Variants in ONECUT2 observed in about 807,000 individuals in gnomAD.
ONECUT2 encodes one cut homeobox 2.
A neutral mutation model predicts 27.9 loss-of-function variants in ONECUT2; 10 were observed. That is an observed-to-expected ratio of 0.36 (90% CI 0.22 to 0.61). The LOEUF is 0.61. Ranked by LOEUF, ONECUT2 falls within the 20% of genes least tolerant of loss-of-function variation. The pLI is 0.73. For synonymous variants in ONECUT2, 334 were observed against 315.1 expected, an observed-to-expected ratio of 1.06 and a Z score of -0.64; for missense variants, 686 against 721.0, an observed-to-expected ratio of 0.95 and a Z score of 0.56.
intron 1 of ONECUT2, among the ~76,000 whole-genome samples, chr18:57,456,570 G>A (rs2050260663): frequency 6.6e-6 from 1 of 152,174 alleles, no homozygotes; most frequent in Non-Finnish European, 1.5e-5. Context: ...AAGTACAATG[G>A]TGCTTGCCAG....
intron 1 of ONECUT2, among the ~76,000 whole-genome samples, chr18:57,471,033 C>G (rs1238689548): frequency 6.6e-6 from 1 of 152,222 alleles, no homozygotes; most frequent in South Asian, 2.1e-4. Flanking sequence ...TGGCAAGGTC[C>G]CTCCCCAAGC....
In ONECUT2 at chr18:57,486,774, T is replaced by C. The variant is rs1225992638; in HGVS notation, c.*10051T>C. ...TGAGCCCAAAGTTTACAGTTTCATA[T>C]TTTGCTGAAGAAACAATCTGTGTTC... is the stretch of plus-strand genomic sequence containing the variant. On this transcript the variant is annotated 3_prime_UTR_variant, in exon 2 of 2. Transcript: ENST00000491143. The C allele has an allele frequency of 6.6e-6, 1 of 152,616 alleles. No individual in the cohort carries two copies. The highest frequency in any genetic ancestry group is 1.5e-5 in the Non-Finnish European group (1 of 68,026). 9.5% of individuals were successfully genotyped at this position (152,616 alleles called of 1,614,324 possible). A position where few individuals can be genotyped will look rare whatever the true frequency, so the allele number is the denominator to read the frequency against.
chr18:57,448,475 G>A (rs1306039156), intron 1 of ONECUT2, among the ~76,000 whole-genome samples: 1 of 152,142 alleles, frequency 6.6e-6, no homozygotes, highest in Non-Finnish European at 1.5e-5. Flanking sequence ...CCAAAATTTT[G>A]TTCTAAAAAT....
At chr18:57,467,957 G>A (rs566153225) in intron 1 of ONECUT2, among the ~76,000 whole-genome samples, 61 of 152,154 alleles carry the variant, frequency 4.0e-4, no homozygotes, top group South Asian at 2.9e-3. Context: ...CCATTCTCCC[G>A]CCCACAATAT....
intron 1 of ONECUT2, among the ~76,000 whole-genome samples, chr18:57,455,707 C>A (rs141038285): frequency 4.3e-4 from 65 of 152,206 alleles, no homozygotes; most frequent in African/African-American, 1.5e-3. Flanking sequence ...CTTGTCCTGC[C>A]CTTTGGATGC....
chr18:57,464,399 C>T (rs1485503431), intron 1 of ONECUT2, among the ~76,000 whole-genome samples: 1 of 151,946 alleles, frequency 6.6e-6, no homozygotes, highest in African/African-American at 2.4e-5. Flanking sequence ...GCTTACACCC[C>T]TCATCTGAAA....
At chr18:57,467,237 G>A (rs983127273) in intron 1 of ONECUT2, 3 of 455,830 alleles carry the variant, frequency 6.6e-6, no homozygotes, top group Admixed American at 4.7e-5. Context: ...GGACACTGGG[G>A]AGTTGCTCTA....
chr18:57,451,245 C>G (rs1188586734), intron 1 of ONECUT2, among the ~76,000 whole-genome samples: 1 of 152,206 alleles, frequency 6.6e-6, no homozygotes, highest in Non-Finnish European at 1.5e-5. Context: ...TAAATGAAAG[C>G]ATTCCAGATT....
intron 1 of ONECUT2, among the ~76,000 whole-genome samples, chr18:57,472,456 T>C (rs2050359183): frequency 6.6e-6 from 1 of 152,172 alleles, no homozygotes; most frequent in Admixed American, 6.5e-5. Flanking sequence ...TTTGTCAAAA[T>C]CAACAGCTGG....
In ONECUT2 at chr18:57,438,316, G is replaced by T. The variant is rs188134082; in HGVS notation, c.1228+1372G>T. 3.0e-4 allele frequency among the ~76,000 whole-genome samples: 46 copies of T among 152,356 alleles called. 1 individual carries two copies. The highest frequency in any genetic ancestry group is 2.4e-3 in the Admixed American group (37 of 15,308). ...CGACTTCCCATGGATCGGGTGGAGG[G>T]GGGTATCTTTCAGGATCGGCGGGCG... On this transcript the variant is annotated intron_variant, in intron 1 of 1. Coordinates refer to ENST00000491143, the MANE Select transcript of ONECUT2 (RefSeq NM_004852.3).
In ONECUT2 at chr18:57,436,759, G is replaced by T. The variant is rs778178849; in HGVS notation, c.1043G>T (p.Arg348Leu). The stretch of plus-strand genomic sequence containing the variant: ...CAGCGCATCACAGCGGAGCTGAAGC[G>T]CTACAGTATCCCCCAGGCGATCTTT... Reference protein sequence around the residue: ...VAQRITAELKRYSIPQAIFAQ... With the variant: ...VAQRITAELKLYSIPQAIFAQ... Residue 348 changes from arginine (R) to leucine (L), a missense_variant, in exon 1 of 2, where the codon CGC (arginine) becomes CTC (leucine). Transcript: ENST00000491143. This position sits in a 1 kb window ranked among gnomAD's most constrained non-coding sequence, Gnocchi z 5.9. The T allele has an allele frequency of 5.6e-6, 9 of 1,614,026 alleles. No individual in the cohort carries two copies. Among genetic ancestry groups the T allele is most frequent in the South Asian group, 5.5e-5 (5 of 91,092 alleles).
chr18:57,484,057 C>T lies in ONECUT2; in HGVS notation c.*7334C>T, dbSNP rs1355834026. On this transcript the variant is annotated 3_prime_UTR_variant, in exon 2 of 2. Coordinates refer to ENST00000491143, the MANE Select transcript of ONECUT2 (RefSeq NM_004852.3). ...GACCCTGCTTCACCAGCCTGGATTT[C>T]GGGGCTTCTATACAGAAACTGGAAA... 4 of 152,380 alleles carry T rather than the reference C, an allele frequency of 2.6e-5. No homozygotes were observed. Among genetic ancestry groups the T allele is most frequent in the South Asian group, 2.1e-4 (1 of 4,830 alleles). The allele number at this position is 152,380 out of a possible 1,614,324, so 9.4% of individuals were successfully genotyped here. A position where few individuals can be genotyped will look rare whatever the true frequency, so the allele number is the denominator to read the frequency against.
chr18:57,439,077 G>A (rs953658051), intron 1 of ONECUT2, among the ~76,000 whole-genome samples: 1 of 152,194 alleles, frequency 6.6e-6, no homozygotes, highest in Non-Finnish European at 1.5e-5. Flanking sequence ...CATGCCGGTC[G>A]CGCAAAGAAC....
In ONECUT2 at chr18:57,487,387, A is replaced by G. The variant is rs2050443600; in HGVS notation, c.*10664A>G. ...AAGGAGTTATTTTGGCTTTATGCTC[A>G]TGAACTTAGACCTAACTGGCCATGT... On this transcript the variant is annotated 3_prime_UTR_variant, in exon 2 of 2. Transcript: ENST00000491143. 1 of 152,180 alleles carries G rather than the reference A, an allele frequency of 6.6e-6. No homozygotes were observed. The highest frequency in any genetic ancestry group is 1.5e-5 in the Non-Finnish European group (1 of 68,038). The allele number at this position is 152,180 out of a possible 1,614,324, so 9.4% of individuals were successfully genotyped here.
At chr18:57,458,491 CCAAA>C (rs1283812494) in intron 1 of ONECUT2, among the ~76,000 whole-genome samples, 1 of 152,206 alleles carries the variant, frequency 6.6e-6, no homozygotes, top group Admixed American at 6.5e-5. Context: ...ATGCATCATT[CCAAA>C]GCTCCTTCTT....
rs998176982 is a variant in ONECUT2, at chr18:57,490,466, G to A, written c.*13743G>A. 6.6e-6 allele frequency: 1 copy of A among 152,102 alleles called. No homozygotes were observed. Among genetic ancestry groups the A allele is most frequent in the Non-Finnish European group, 1.5e-5 (1 of 68,030 alleles). 9.4% of individuals were successfully genotyped at this position (152,102 alleles called of 1,614,324 possible). A position where few individuals can be genotyped will look rare whatever the true frequency, so the allele number is the denominator to read the frequency against. Reference sequence around the variant, plus strand: ...GGTATTGAAAGGTGACTATAATGAGGGAAGAAAGGAGGAGGTAAAGAGAGA... The same window carrying A: ...GGTATTGAAAGGTGACTATAATGAGAGAAGAAAGGAGGAGGTAAAGAGAGA... On this transcript the variant is annotated 3_prime_UTR_variant, in exon 2 of 2. Coordinates refer to ENST00000491143, the MANE Select transcript of ONECUT2 (RefSeq NM_004852.3).
chr18:57,435,577 G>A lies in ONECUT2; in HGVS notation c.-140G>A. On this transcript the variant is annotated 5_prime_UTR_variant, in exon 1 of 2. Transcript: ENST00000491143. ...CCGGGCGAGCCCGCCCGCAGCCCGG[G>A]GCGCACACCCGCACGCGCACTCCTC... 1 of 505,024 alleles carries A rather than the reference G, an allele frequency of 2.0e-6. No homozygotes were observed. The highest frequency in any genetic ancestry group is 2.5e-6 in the Non-Finnish European group (1 of 394,942). The allele number at this position is 505,024 out of a possible 1,614,324, so 31.3% of individuals were successfully genotyped here.
intron 1 of ONECUT2, among the ~76,000 whole-genome samples, chr18:57,458,086 C>T (rs1337961741): frequency 6.6e-6 from 1 of 152,014 alleles, no homozygotes; most frequent in African/African-American, 2.4e-5. Context: ...CAAACCTGCA[C>T]GTTGTGCACA....
chr18:57,469,909 C>A (rs556867500), intron 1 of ONECUT2, among the ~76,000 whole-genome samples: 2 of 152,134 alleles, frequency 1.3e-5, no homozygotes, highest in African/African-American at 4.8e-5. Flanking sequence ...AAGTGGCTGA[C>A]AAGGAGTAGG....
Sources: allele counts gnomAD v4.1 joint callset (sites outside exome capture counted in the v4.1 genomes callset), GRCh38; gene constraint gnomAD v4.1.1; non-coding constraint Gnocchi (gnomAD v3.1); transcripts MANE v1.5; gene names NCBI Gene and HGNC (gene_info 2026-07-23, HGNC 2026-07-21).